HBS1L: variants seen among roughly 807,000 people sequenced by gnomAD.
The protein encoded by HBS1L is HBS1 like translational GTPase.
HBS1L carries 55 observed loss-of-function variants against 88.9 expected under a neutral mutation model. The ratio of observed to expected loss-of-function variants is 0.62; its 90% CI spans 0.50 to 0.77. The LOEUF (loss-of-function observed/expected upper bound fraction) is 0.77. HBS1L is among the 30% of genes least tolerant of loss of function. HBS1L has a pLI of 0.00. For synonymous variants in HBS1L, 267 were observed against 288.5 expected (o/e 0.93, Z 0.76); for missense variants, 741 against 829.3 (o/e 0.89, Z 1.31).
At position 134,964,142 on chromosome 6, in the gene HBS1L, G is replaced by A. The variant is rs1311906145; in HGVS notation, c.*1137C>T. On this transcript the variant is annotated 3_prime_UTR_variant, in exon 18 of 18. Coordinates refer to ENST00000367837, the MANE Select transcript of HBS1L (RefSeq NM_006620.4). ...ACGAAAAGGTGCAGGGAGAAGAAAT[G>A]CTGTTGTATATGTTAAGCCATCGAT... 2 of 152,030 alleles carry A rather than the reference G, an allele frequency of 1.3e-5. No homozygotes were observed. Among genetic ancestry groups the A allele is most frequent in the African/African-American group, 4.8e-5 (2 of 41,382 alleles). 9.4% of individuals were successfully genotyped at this position (152,030 alleles called of 1,614,324 possible). A position where few individuals can be genotyped will look rare whatever the true frequency, so the allele number is the denominator to read the frequency against.
At chr6:135,037,038 G>C in intron 4 of HBS1L, 5 of 1,551,614 alleles carry the variant, frequency 3.2e-6, no homozygotes, top group Non-Finnish European at 4.4e-6. Flanking sequence ...TGACCTCAAA[G>C]GACTCTTTCT....
At chr6:135,020,344 T>C (rs1776037898) in intron 4 of HBS1L, among the ~76,000 whole-genome samples, 1 of 151,956 alleles carries the variant, frequency 6.6e-6, no homozygotes, top group African/African-American at 2.4e-5. Flanking sequence ...GACAACTGCA[T>C]CATATGGGTT....
In HBS1L at chr6:134,964,318, T is replaced by C. The variant is rs1402906132; in HGVS notation, c.*961A>G. Reference sequence around the variant, plus strand: ...ATACCTGTTGTTAAATAAATAAACCTTGGGGTTTGTTGTTGAAACTTTAAA... The same window carrying C: ...ATACCTGTTGTTAAATAAATAAACCCTGGGGTTTGTTGTTGAAACTTTAAA... On this transcript the variant is annotated 3_prime_UTR_variant, in exon 18 of 18. Transcript: ENST00000367837. 1.3e-5 allele frequency: 2 copies of C among 152,134 alleles called. No homozygotes were observed. The highest frequency in any genetic ancestry group is 2.1e-4 in the South Asian group (1 of 4,830). The allele number at this position is 152,134 out of a possible 1,614,324, so 9.4% of individuals were successfully genotyped here.
intron 4 of HBS1L, among the ~76,000 whole-genome samples, chr6:135,032,163 T>G (rs1283541978): frequency 1.3e-5 from 2 of 152,184 alleles, no homozygotes; most frequent in African/African-American, 4.8e-5. Flanking sequence ...AGTTTGTTTT[T>G]TAATTTGTTT....
intron 2 of HBS1L, among the ~76,000 whole-genome samples, chr6:135,049,259 A>C (rs941717887): frequency 6.6e-6 from 1 of 152,146 alleles, no homozygotes; most frequent in Non-Finnish European, 1.5e-5. Context: ...TCCTAACATG[A>C]CAGAAGGGAA....
chr6:135,029,347 A>ATATG (rs71006750), intron 4 of HBS1L, among the ~76,000 whole-genome samples: 71,471 of 151,372 alleles, frequency 0.47, 17,070 homozygotes, highest in South Asian at 0.56. Flanking sequence ...ATAAATATGC[A>ATATG]TATGTGGATC....
intron 4 of HBS1L, among the ~76,000 whole-genome samples, chr6:135,003,611 TAA>T (rs1775527101): frequency 6.7e-6 from 1 of 149,438 alleles, no homozygotes; most frequent in Non-Finnish European, 1.5e-5. Context: ...CTCATGCCTG[TAA>T]TCCCAGCACT....
chr6:135,034,732 G>T (rs1166638134), intron 4 of HBS1L, among the ~76,000 whole-genome samples: 1 of 152,014 alleles, frequency 6.6e-6, no homozygotes, highest in East Asian at 1.9e-4. Flanking sequence ...TTATGCAAAG[G>T]GCCATTAATT....
intron 4 of HBS1L, among the ~76,000 whole-genome samples, chr6:135,032,980 T>C (rs1359701353): frequency 7.0e-6 from 1 of 142,484 alleles, no homozygotes. Context: ...AATGAAACCC[T>C]GGTTCTTGGC....
chr6:135,008,851 C>G (rs1775686599), intron 4 of HBS1L, among the ~76,000 whole-genome samples: 1 of 152,048 alleles, frequency 6.6e-6, no homozygotes, highest in Non-Finnish European at 1.5e-5. Context: ...GTCCACAGTA[C>G]ATGACACAGT....
chr6:135,025,092 T>C (rs1373663845), intron 4 of HBS1L, among the ~76,000 whole-genome samples: 2 of 152,118 alleles, frequency 1.3e-5, no homozygotes, highest in African/African-American at 4.8e-5. Context: ...CTTGGAAAAA[T>C]ACATCCAGTT....
chr6:134,995,075 T>G (rs1169126387), intron 7 of HBS1L, among the ~76,000 whole-genome samples: 1 of 137,714 alleles, frequency 7.3e-6, no homozygotes, highest in African/African-American at 2.6e-5. Context: ...TTAATTCTCT[T>G]TAATAATTCC....
intron 4 of HBS1L, among the ~76,000 whole-genome samples, chr6:135,003,511 G>A (rs1019604845): frequency 3.3e-5 from 5 of 150,822 alleles, no homozygotes; most frequent in African/African-American, 1.2e-4. Flanking sequence ...AGCTTGTAGT[G>A]AGCTATGATA....
intron 4 of HBS1L, among the ~76,000 whole-genome samples, chr6:135,003,795 G>A (rs1023839451): frequency 1.3e-5 from 2 of 152,096 alleles, no homozygotes; most frequent in Non-Finnish European, 2.9e-5. Flanking sequence ...AACCCAGAAG[G>A]TGGAGGTTGC....
chr6:134,986,242 T>A, intron 10 of HBS1L, 59 bp from the exon 11 acceptor site: 1 of 861,812 alleles, frequency 1.2e-6, no homozygotes, highest in Non-Finnish European at 1.9e-6. Flanking sequence ...ATTAAAAGAT[T>A]CACCATTACC....
chr6:135,037,394 T>A (rs1477297677), intron 4 of HBS1L: 2 of 1,550,906 alleles, frequency 1.3e-6, no homozygotes, highest in East Asian at 2.4e-5. Context: ...TTCTTGGCAC[T>A]TTGTTCAACT....
intron 8 of HBS1L, among the ~76,000 whole-genome samples, 165 bp downstream of exon 8, chr6:134,993,593 A>T (rs2114797685): frequency 6.6e-6 from 1 of 152,318 alleles, no homozygotes; most frequent in Non-Finnish European, 1.5e-5. Context: ...AGGTAGAAAG[A>T]TCATGAAAAA....
At chr6:135,029,794 G>C (rs7750574) in intron 4 of HBS1L, among the ~76,000 whole-genome samples, 47,752 of 152,074 alleles carry the variant, frequency 0.31, 7,885 homozygotes, top group Non-Finnish European at 0.37. Context: ...ATTCTAGGTA[G>C]CTGTTAAGAA....
intron 5 of HBS1L, among the ~76,000 whole-genome samples, chr6:135,001,834 C>T (rs1339628613): frequency 3.3e-5 from 5 of 150,890 alleles, no homozygotes; most frequent in African/African-American, 7.3e-5. Flanking sequence ...TTCTTCCCAA[C>T]CAAAACTCAT....
Sources: allele counts gnomAD v4.1 joint callset (sites outside exome capture counted in the v4.1 genomes callset), GRCh38; gene constraint gnomAD v4.1.1; transcripts MANE v1.5; gene names NCBI Gene and HGNC (gene_info 2026-07-23, HGNC 2026-07-21).